TRPM2: variants seen among roughly 807,000 people sequenced by gnomAD.
The protein encoded by TRPM2 is estrogen-responsive element-associated gene 1 protein.
A neutral mutation model predicts 174.0 loss-of-function variants in TRPM2; 161 were observed. The observed-to-expected ratio is 0.93, with a 90% confidence interval of 0.81 to 1.05. The LOEUF (loss-of-function observed/expected upper bound fraction) is 1.05, where lower values mean the gene tolerates loss of function less well. Among genes scored for constraint, TRPM2 ranks in the 50% least tolerant of loss-of-function variants. The pLI is 0.00. For missense variants in TRPM2, 2,057 were observed against 2,038.0 expected, an observed-to-expected ratio of 1.01 and a Z score of -0.18; for synonymous variants, 954 against 861.3, an observed-to-expected ratio of 1.11 and a Z score of -1.88.
At chr21:44,440,957 G>A (rs2051480445) in intron 31 of TRPM2, 52 bp downstream of exon 31, 2 of 1,524,982 alleles carry the variant, frequency 1.3e-6, no homozygotes, top group African/African-American at 1.4e-5. Context: ...GGACGGGTAT[G>A]GGCGTGGCCT....
intron 11 of TRPM2, among the ~76,000 whole-genome samples, chr21:44,392,336 T>C (rs910491419): frequency 1.4e-5 from 2 of 144,998 alleles, no homozygotes; most frequent in Non-Finnish European, 3.0e-5. Context: ...TGGCTCACCG[T>C]ACCTTCCACC....
At chr21:44,403,164 T>C (rs1182088376) in intron 16 of TRPM2, among the ~76,000 whole-genome samples, 1 of 152,140 alleles carries the variant, frequency 6.6e-6, no homozygotes, top group Admixed American at 6.5e-5. Flanking sequence ...CCCAGCCCCA[T>C]GGGCAGCAGC....
chr21:44,418,857 C>G (rs2050410564), intron 22 of TRPM2, among the ~76,000 whole-genome samples: 1 of 152,186 alleles, frequency 6.6e-6, no homozygotes, highest in Non-Finnish European at 1.5e-5. Context: ...GCTTGGAGGC[C>G]TGGGGGCATG....
At chr21:44,368,377 G>T (rs547593415) in intron 4 of TRPM2, among the ~76,000 whole-genome samples, 3 of 152,118 alleles carry the variant, frequency 2.0e-5, no homozygotes, top group African/African-American at 7.2e-5. Context: ...AAAGTGCTGG[G>T]ATAACAGGCG....
chr21:44,364,384 C>T, intron 3 of TRPM2, 102 bp downstream of exon 3: 1 of 1,441,378 alleles, frequency 6.9e-7, no homozygotes, highest in Non-Finnish European at 9.5e-7. Flanking sequence ...AGGAGGCTGG[C>T]AAAGCTCCAG....
chr21:44,381,591 T>C (rs904610410), intron 8 of TRPM2, among the ~76,000 whole-genome samples: 1 of 151,450 alleles, frequency 6.6e-6, no homozygotes, highest in Non-Finnish European at 1.5e-5. Flanking sequence ...GATGGATGGA[T>C]AGATAGATAG....
chr21:44,382,607 C>A, intron 8 of TRPM2, 111 bp from the exon 9 acceptor site: 1 of 986,522 alleles, frequency 1.0e-6, no homozygotes, highest in Non-Finnish European at 1.5e-6. Flanking sequence ...GCCACAAGCG[C>A]AGGCAGGACC....
intron 8 of TRPM2, 86 bp downstream of exon 8, chr21:44,379,283 G>C: frequency 6.8e-7 from 1 of 1,471,412 alleles, no homozygotes; most frequent in Non-Finnish European, 9.3e-7. Flanking sequence ...AGGACTCATG[G>C]ACCGATGCGG....
At chr21:44,383,346 G>C (rs1318891147) in intron 9 of TRPM2, among the ~76,000 whole-genome samples, 1 of 152,162 alleles carries the variant, frequency 6.6e-6, no homozygotes, top group Admixed American at 6.5e-5. Context: ...GTCTTACCCA[G>C]CTGGCACCTG....
At chr21:44,422,520 A>G (rs1461111436) in intron 22 of TRPM2, 66 of 1,434,348 alleles carry the variant, frequency 4.6e-5, no homozygotes, top group Non-Finnish European at 5.8e-5. Flanking sequence ...CTCCCTAGAT[A>G]ACTGTTTAAA....
chr21:44,368,294 A>G (rs1161419122), intron 4 of TRPM2, among the ~76,000 whole-genome samples: 7 of 151,820 alleles, frequency 4.6e-5, no homozygotes, highest in Non-Finnish European at 8.8e-5. Flanking sequence ...TAATTTTTGT[A>G]GAGACAAGGT....
chr21:44,351,258 G>A (rs2122996827), upstream of TRPM2, among the ~76,000 whole-genome samples: 1 of 152,162 alleles, frequency 6.6e-6, no homozygotes, highest in Non-Finnish European at 1.5e-5. Context: ...GGTGGTAGTG[G>A]TCTTCCCGCT....
intron 22 of TRPM2, among the ~76,000 whole-genome samples, chr21:44,420,561 G>C (rs945223840): frequency 1.3e-5 from 2 of 152,244 alleles, no homozygotes; most frequent in Non-Finnish European, 2.9e-5. Context: ...TTACAGAGGA[G>C]GGGGGCCTGG....
intron 8 of TRPM2, 113 bp downstream of exon 8, chr21:44,379,310 G>GACCC: frequency 6.2e-6 from 8 of 1,280,776 alleles, no homozygotes; most frequent in Non-Finnish European, 8.7e-6. Context: ...CACTGGGTCT[G>GACCC]AGTGGGTGCC....
At chr21:44,406,517 C>A in intron 18 of TRPM2, 77 bp from the exon 19 acceptor site, 1 of 1,492,864 alleles carries the variant, frequency 6.7e-7, no homozygotes, top group Non-Finnish European at 8.9e-7. Flanking sequence ...CTGTCTCCAC[C>A]GCTGCTGGGC....
intron 21 of TRPM2, 98 bp from the exon 22 acceptor site, chr21:44,418,320 TCAGGA>T (rs2050388007): frequency 6.7e-7 from 1 of 1,501,418 alleles, no homozygotes; most frequent in Admixed American, 2.0e-5. Flanking sequence ...TTCCTGCCAC[TCAGGA>T]CTGGCCCCCT....
At chr21:44,378,961 C>T (rs2048790213) in intron 7 of TRPM2, 36 bp from the exon 8 acceptor site, 1 of 1,591,356 alleles carries the variant, frequency 6.3e-7, no homozygotes, top group Non-Finnish European at 8.5e-7. Context: ...GCGGTGAGGA[C>T]CCAGTCCCGG....
chr21:44,387,941 G>C (rs569043599), intron 9 of TRPM2, among the ~76,000 whole-genome samples: 39 of 152,292 alleles, frequency 2.6e-4, no homozygotes, highest in African/African-American at 8.9e-4. Flanking sequence ...TGCACTGTTG[G>C]TGGATATGTA....
Position 44,406,553 on chromosome 21 carries a change from G to A in TRPM2, c.2791-41G>A, listed in dbSNP as rs369470083. 6 of 1,577,558 alleles carry A rather than the reference G, an allele frequency of 3.8e-6. No individual in the cohort carries two copies. In the African/African-American group the frequency reaches 6.7e-5, roughly 18 times the overall value. ...CTGCCTCTGGGCCCAGTGAGCATCG[G>A]GGGCCAGGAGAGTGTAGCCCACACA... is the stretch of plus-strand genomic sequence containing the variant. On this transcript the variant is annotated intron_variant, in intron 18 of 31. Coordinates refer to ENST00000397928, the MANE Select transcript of TRPM2 (RefSeq NM_003307.4).
Sources: allele counts gnomAD v4.1 joint callset (sites outside exome capture counted in the v4.1 genomes callset), GRCh38; gene constraint gnomAD v4.1.1; transcripts MANE v1.5; gene names NCBI Gene and HGNC (gene_info 2026-07-23, HGNC 2026-07-21).